PHKB: variants seen among roughly 807,000 people sequenced by gnomAD.
PHKB encodes phosphorylase b kinase regulatory subunit beta.
A neutral mutation model predicts 152.1 loss-of-function variants in PHKB; 122 were observed. The ratio of observed to expected loss-of-function variants is 0.80; its 90% confidence interval spans 0.69 to 0.93. The LOEUF (loss-of-function observed/expected upper bound fraction) is 0.93. PHKB is among the 40% of genes least tolerant of loss of function. The pLI, the probability that PHKB is intolerant of heterozygous loss-of-function variation, is 0.00. For missense variants in PHKB, 1,304 were observed against 1,328.4 expected (o/e 0.98, Z 0.29); for synonymous variants, 436 against 464.9 (o/e 0.94, Z 0.80).
chr16:47,675,209 A>G (rs930614799), intron 26 of PHKB, among the ~76,000 whole-genome samples: 1 of 152,160 alleles, frequency 6.6e-6, no homozygotes, highest in Non-Finnish European at 1.5e-5. Flanking sequence ...AGTGTGAGTG[A>G]CGCAGAGTTC....
intron 14 of PHKB, among the ~76,000 whole-genome samples, chr16:47,624,727 G>A (rs918433982): frequency 1.1e-4 from 17 of 152,024 alleles, no homozygotes; most frequent in African/African-American, 4.1e-4. Context: ...TCTCTCAAGG[G>A]CCTGTCTTAC....
intron 1 of PHKB, among the ~76,000 whole-genome samples, chr16:47,492,646 C>T (rs1307426493): frequency 1.3e-5 from 2 of 151,992 alleles, no homozygotes; most frequent in Non-Finnish European, 1.5e-5. Context: ...GGGAGGGTGG[C>T]GGGAGCTGCT....
At chr16:47,461,746 G>GGAATGTGTCTTCCCTGT (rs945480888) in intron 1 of PHKB, among the ~76,000 whole-genome samples, 1 of 152,180 alleles carries the variant, frequency 6.6e-6, no homozygotes, top group Non-Finnish European at 1.5e-5. Flanking sequence ...CCTGGGAAAG[G>GGAATGTGTCTTCCCTGT]GAATGTGTCT....
chr16:47,597,888 A>G (rs1972151148), intron 13 of PHKB: 1 of 151,698 alleles, frequency 6.6e-6, no homozygotes, highest in South Asian at 2.1e-4. Flanking sequence ...ATGCAACAAA[A>G]GGAAAAATTT....
intron 27 of PHKB, among the ~76,000 whole-genome samples, chr16:47,690,771 G>A (rs992001903): frequency 6.6e-6 from 1 of 152,154 alleles, no homozygotes; most frequent in African/African-American, 2.4e-5. Flanking sequence ...TCATTCCAAT[G>A]TGTTTCCACT....
chr16:47,653,116 A>T (rs1463719333), intron 20 of PHKB, among the ~76,000 whole-genome samples: 1 of 152,082 alleles, frequency 6.6e-6, no homozygotes, highest in Non-Finnish European at 1.5e-5. Context: ...AATATTTGGA[A>T]TTCTTTTCTC....
At chr16:47,613,484 G>T (rs1419361913) in intron 14 of PHKB, among the ~76,000 whole-genome samples, 2 of 152,138 alleles carry the variant, frequency 1.3e-5, no homozygotes, top group Admixed American at 1.3e-4. Context: ...GGAAAAACCA[G>T]ATGTTCACCA....
At chr16:47,463,994 G>T in intron 1 of PHKB, 1 of 1,592,084 alleles carries the variant, frequency 6.3e-7, no homozygotes, top group Non-Finnish European at 8.6e-7. Context: ...TTAAGGTCTG[G>T]TAAGTGTTGT....
intron 25 of PHKB, among the ~76,000 whole-genome samples, chr16:47,666,461 C>G (rs558300926): frequency 6.6e-6 from 1 of 152,324 alleles, no homozygotes; most frequent in East Asian, 1.9e-4. Context: ...GCCAGTGCTG[C>G]TCCCCAGATC....
chr16:47,599,922 G>A (rs976605035), intron 13 of PHKB, among the ~76,000 whole-genome samples: 1 of 152,112 alleles, frequency 6.6e-6, no homozygotes, highest in African/African-American at 2.4e-5. Flanking sequence ...AGACTTCTAT[G>A]GATTTTCATT....
intron 20 of PHKB, among the ~76,000 whole-genome samples, chr16:47,654,179 A>G (rs1031358991): frequency 2.6e-5 from 4 of 152,376 alleles, no homozygotes; most frequent in South Asian, 4.1e-4. Flanking sequence ...GTTATCAGAC[A>G]TAGACGTCAG....
chr16:47,461,546 T>A, intron 1 of PHKB, 120 bp downstream of exon 1: 1 of 1,026,270 alleles, frequency 9.7e-7, no homozygotes, highest in East Asian at 2.5e-5. Context: ...AGTTCCTCCT[T>A]AGAAAGCAGG....
intron 2 of PHKB, among the ~76,000 whole-genome samples, chr16:47,498,040 A>G (rs775150846): frequency 6.6e-6 from 1 of 152,192 alleles, no homozygotes; most frequent in Non-Finnish European, 1.5e-5. Context: ...TTTGTTTGTC[A>G]GACCATCTAT....
At chr16:47,500,125 C>T (rs1970300499) in intron 3 of PHKB, among the ~76,000 whole-genome samples, 1 of 151,978 alleles carries the variant, frequency 6.6e-6, no homozygotes, top group South Asian at 2.1e-4. Flanking sequence ...GCAACCTCTG[C>T]CCCCTGGGTT....
intron 28 of PHKB, among the ~76,000 whole-genome samples, chr16:47,695,300 A>G (rs1974128790): frequency 6.6e-6 from 1 of 152,242 alleles, no homozygotes; most frequent in Non-Finnish European, 1.5e-5. Flanking sequence ...ATGTGAAACC[A>G]AGAAAGGGTC....
intron 14 of PHKB, among the ~76,000 whole-genome samples, chr16:47,637,169 C>T (rs1972936495): frequency 2.0e-5 from 3 of 152,156 alleles, no homozygotes; most frequent in Non-Finnish European, 4.4e-5. Context: ...GAATGGCCTG[C>T]CTGCAAAAAG....
intron 4 of PHKB, among the ~76,000 whole-genome samples, chr16:47,506,990 T>C (rs1304684681): frequency 1.3e-5 from 2 of 152,214 alleles, no homozygotes; most frequent in Non-Finnish European, 2.9e-5. Context: ...GGCTGGTTTT[T>C]TGAGACAAGG....
intron 20 of PHKB, among the ~76,000 whole-genome samples, chr16:47,658,471 A>G (rs1207378175): frequency 1.3e-5 from 2 of 151,978 alleles, no homozygotes; most frequent in Admixed American, 1.3e-4. Context: ...TAGTATTAAT[A>G]TATATTATAA....
intron 18 of PHKB, 34 bp from the exon 19 acceptor site, chr16:47,650,510 G>A: frequency 8.3e-7 from 1 of 1,211,388 alleles, no homozygotes; most frequent in South Asian, 1.2e-5. Context: ...CTTAGATACT[G>A]TGCCATTACA....
Sources: gnomAD v4.1 joint callset for allele counts (sites outside exome capture counted in the v4.1 genomes callset) on GRCh38, gnomAD v4.1.1 for gene constraint, MANE v1.5 for transcripts, NCBI Gene and HGNC (gene_info 2026-07-23, HGNC 2026-07-21) for gene names.